Variants in GRM7 observed in about 807,000 individuals in gnomAD.
GRM7 encodes glutamate metabotropic receptor 7.
Under a neutral mutation model 84.5 loss-of-function variants are expected in GRM7, and 35 were observed. The ratio of observed to expected loss-of-function variants is 0.41; its 90% CI spans 0.32 to 0.55. GRM7 has a LOEUF of 0.55. Ranked by LOEUF, GRM7 falls within the 20% of genes least tolerant of loss-of-function variation. The pLI, the probability that GRM7 is intolerant of heterozygous loss-of-function variation, is 0.19. For missense variants in GRM7, 1,003 were observed against 1,194.6 expected (o/e 0.84, Z 2.36); for synonymous variants, 487 against 455.1 (o/e 1.07, Z -0.89).
At chr3:7,528,116 A>T (rs998390520) in intron 7 of GRM7, among the ~76,000 whole-genome samples, 6 of 152,020 alleles carry the variant, frequency 3.9e-5, no homozygotes, top group Admixed American at 1.3e-4. Flanking sequence ...TTCTTTGTAC[A>T]TCTGGTGGGA....
At chr3:7,480,755 A>G (rs1699096324) in intron 7 of GRM7, among the ~76,000 whole-genome samples, 1 of 152,252 alleles carries the variant, frequency 6.6e-6, no homozygotes, top group African/African-American at 2.4e-5. Flanking sequence ...GTACATTCAG[A>G]TCATTGGGAT....
intron 1 of GRM7, among the ~76,000 whole-genome samples, chr3:6,985,690 T>C (rs1318003266): frequency 6.6e-6 from 1 of 152,198 alleles, no homozygotes; most frequent in African/African-American, 2.4e-5. Flanking sequence ...CTCTTTTCAC[T>C]ATTCCACATC....
chr3:7,113,532 G>T (rs1692930558), intron 1 of GRM7, among the ~76,000 whole-genome samples: 1 of 152,126 alleles, frequency 6.6e-6, no homozygotes, highest in African/African-American at 2.4e-5. Flanking sequence ...TTACAGGCAT[G>T]ACTCTTGATG....
chr3:7,363,487 A>AAACCTGACC (rs1305064728), intron 4 of GRM7, among the ~76,000 whole-genome samples: 4 of 152,142 alleles, frequency 2.6e-5, no homozygotes, highest in African/African-American at 9.6e-5. Context: ...AGACCTTAGG[A>AAACCTGACC]AACCTGACCA....
chr3:7,519,429 T>C (rs890799202), intron 7 of GRM7, among the ~76,000 whole-genome samples: 2 of 151,630 alleles, frequency 1.3e-5, no homozygotes, highest in Non-Finnish European at 2.9e-5. Flanking sequence ...TGTCTGTTGA[T>C]CTGGGACATA....
chr3:7,566,267 A>G (rs1575500486), intron 7 of GRM7, among the ~76,000 whole-genome samples: 1 of 151,970 alleles, frequency 6.6e-6, no homozygotes, highest in East Asian at 1.9e-4. Context: ...TTTCAATAAA[A>G]CTTTATTTTC....
At chr3:7,675,644 G>A (rs1700090336) in intron 8 of GRM7, among the ~76,000 whole-genome samples, 1 of 152,192 alleles carries the variant, frequency 6.6e-6, no homozygotes, top group Admixed American at 6.5e-5. Flanking sequence ...CACTTTAATA[G>A]AATATTTGCT....
At chr3:7,516,588 G>T (rs951828739) in intron 7 of GRM7, among the ~76,000 whole-genome samples, 2 of 149,858 alleles carry the variant, frequency 1.3e-5, no homozygotes, top group African/African-American at 4.9e-5. Context: ...AGCAACTTTA[G>T]ATTCTTAAGT....
intron 7 of GRM7, among the ~76,000 whole-genome samples, chr3:7,540,022 TTTA>T (rs1313389383): frequency 6.6e-6 from 1 of 152,214 alleles, no homozygotes; most frequent in Non-Finnish European, 1.5e-5. Flanking sequence ...CAAAATAGAT[TTTA>T]TTATAATTCC....
intron 9 of GRM7, among the ~76,000 whole-genome samples, chr3:7,701,770 A>C (rs1171929013): frequency 6.6e-6 from 1 of 152,244 alleles, no homozygotes; most frequent in East Asian, 1.9e-4. Flanking sequence ...ACTGAACACT[A>C]AGTTCAACAG....
chr3:7,127,647 AT>A (rs1464438394), intron 1 of GRM7, among the ~76,000 whole-genome samples: 2 of 152,182 alleles, frequency 1.3e-5, no homozygotes, highest in Non-Finnish European at 2.9e-5. Context: ...CATATATAAT[AT>A]TTTTGTAGTT....
intron 1 of GRM7, among the ~76,000 whole-genome samples, chr3:7,122,159 C>G (rs1435419064): frequency 6.6e-6 from 1 of 152,138 alleles, no homozygotes; most frequent in East Asian, 1.9e-4. Flanking sequence ...AGACAGTGAC[C>G]AAACCTAAGC....
chr3:7,595,350 G>T (rs189503066), intron 8 of GRM7, among the ~76,000 whole-genome samples: 111 of 152,252 alleles, frequency 7.3e-4, no homozygotes, highest in African/African-American at 2.4e-3. Flanking sequence ...GTAATGAGAA[G>T]GATGTAGAAG....
At chr3:7,212,139 C>A (rs1696451576) in intron 2 of GRM7, among the ~76,000 whole-genome samples, 1 of 151,960 alleles carries the variant, frequency 6.6e-6, no homozygotes, top group Non-Finnish European at 1.5e-5. Flanking sequence ...GTATTAATCC[C>A]CCTTCTAAAT....
At chr3:6,950,344 A>G (rs956426349) in intron 1 of GRM7, among the ~76,000 whole-genome samples, 1 of 152,178 alleles carries the variant, frequency 6.6e-6, no homozygotes, top group African/African-American at 2.4e-5. Context: ...TTGCCTGGGT[A>G]TCAGCAGCAG....
intron 2 of GRM7, among the ~76,000 whole-genome samples, chr3:7,260,558 T>C (rs1176622677): frequency 6.6e-6 from 1 of 152,284 alleles, no homozygotes; most frequent in East Asian, 1.9e-4. Context: ...TCCCCTTTGT[T>C]ATTTCTAATT....
intron 9 of GRM7, among the ~76,000 whole-genome samples, chr3:7,706,671 C>T (rs1701399095): frequency 6.6e-6 from 1 of 152,168 alleles, no homozygotes; most frequent in Admixed American, 6.5e-5. Context: ...CTTTGTGTGA[C>T]AATATGCAGA....
chr3:6,869,437 C>T (rs2124939168), intron 1 of GRM7, among the ~76,000 whole-genome samples: 1 of 152,220 alleles, frequency 6.6e-6, no homozygotes, highest in Non-Finnish European at 1.5e-5. Flanking sequence ...CATTAAGTGT[C>T]AATATTGCTT....
intron 8 of GRM7, among the ~76,000 whole-genome samples, chr3:7,634,686 C>T (rs973043644): frequency 4.6e-5 from 7 of 151,222 alleles, no homozygotes; most frequent in African/African-American, 1.7e-4. Flanking sequence ...CCAAGCTACT[C>T]GGGAGGCTGA....
Sources: gnomAD v4.1 joint callset for allele counts (sites outside exome capture counted in the v4.1 genomes callset) on GRCh38, gnomAD v4.1.1 for gene constraint, MANE v1.5 for transcripts, NCBI Gene and HGNC (gene_info 2026-07-23, HGNC 2026-07-21) for gene names.